Variants in ATP9B observed in about 807,000 individuals in gnomAD.
ATP9B encodes the protein ATPase phospholipid transporting 9B.
A neutral mutation model predicts 146.1 loss-of-function variants in ATP9B; 110 were observed. That is an observed-to-expected ratio of 0.75 (90% CI 0.65 to 0.88). ATP9B has a LOEUF of 0.88. Ranked by LOEUF, ATP9B falls within the 40% of genes least tolerant of loss-of-function variation. ATP9B has a pLI of 0.00. For synonymous variants in ATP9B, 604 were observed against 569.7 expected, an observed-to-expected ratio of 1.06 and a Z score of -0.86; for missense variants, 1,499 against 1,496.4, an observed-to-expected ratio of 1.00 and a Z score of -0.03.
chr18:79,143,406 G>T (rs984280756), intron 5 of ATP9B, among the ~76,000 whole-genome samples: 1 of 152,264 alleles, frequency 6.6e-6, no homozygotes, highest in Non-Finnish European at 1.5e-5. Flanking sequence ...GGTCAGTTAT[G>T]TGCTAATTAA....
chr18:79,299,052 T>G (rs1568612068), intron 13 of ATP9B, among the ~76,000 whole-genome samples: 1 of 152,208 alleles, frequency 6.6e-6, no homozygotes, highest in African/African-American at 2.4e-5. Flanking sequence ...ATTTGCCTCT[T>G]CCTTTCTGTC....
At chr18:79,249,067 C>T (rs1298309886) in intron 11 of ATP9B, among the ~76,000 whole-genome samples, 4 of 149,422 alleles carry the variant, frequency 2.7e-5, no homozygotes, top group Admixed American at 6.6e-5. Context: ...CTCACTCGTC[C>T]GAGCATTCAT....
At position 79,071,049 on chromosome 18, in the gene ATP9B, C is replaced by CTTTTT. The variant is rs746689031; in HGVS notation, c.119+1533_119+1537dup. ...CTGATTCTCATTCTGATTCCTGTTT[C>CTTTTT]TTTTTTTTTTTTTTTTTGCCACTTT... On this transcript the variant is annotated intron_variant, in intron 1 of 29. Transcript: ENST00000426216. 2.9e-4 allele frequency among the ~76,000 whole-genome samples: 33 copies of CTTTTT among 112,370 alleles called. 1 individual carries two copies. In the East Asian group the frequency reaches 3.0e-3, roughly 10 times the overall value. The allele number at this position is 112,370 out of a possible 152,430, so 73.7% of individuals were successfully genotyped here.
At chr18:79,351,397 G>A (rs769439141) in intron 25 of ATP9B, among the ~76,000 whole-genome samples, 2 of 152,184 alleles carry the variant, frequency 1.3e-5, no homozygotes, top group Non-Finnish European at 2.9e-5. Flanking sequence ...CAAAAGAAAC[G>A]TCTGTGACTT....
At chr18:79,112,327 G>A (rs551647761) in intron 3 of ATP9B, among the ~76,000 whole-genome samples, 4 of 152,216 alleles carry the variant, frequency 2.6e-5, no homozygotes, top group African/African-American at 7.2e-5. Context: ...ATCTGTAAAC[G>A]TAAGTTTTGT....
chr18:79,117,743 AGTT>A (rs905230190), intron 4 of ATP9B: 6 of 152,224 alleles, frequency 3.9e-5, no homozygotes, highest in South Asian at 2.1e-4. Context: ...GAATTTTGAA[AGTT>A]GTTGTTGAAG....
chr18:79,359,341 C>T lies in ATP9B; in HGVS notation c.2904-13C>T. On this transcript the variant is annotated splice_polypyrimidine_tract_variant and intron_variant, in intron 25 of 29. Transcript: ENST00000426216. Reference sequence around the variant, plus strand: ...TTTCTCACGCCCATTGCACTCCGCTCTTGGTCTTGCAGGTATGCCACCATA... The same window carrying T: ...TTTCTCACGCCCATTGCACTCCGCTTTTGGTCTTGCAGGTATGCCACCATA... 1 of 1,595,458 alleles carries T rather than the reference C, an allele frequency of 6.3e-7. No individual in the cohort carries two copies. The highest frequency in any genetic ancestry group is 8.6e-7 in the Non-Finnish European group (1 of 1,163,528).
intron 13 of ATP9B, among the ~76,000 whole-genome samples, chr18:79,302,662 G>T (rs2096598741): frequency 6.6e-6 from 1 of 152,136 alleles, no homozygotes; most frequent in Admixed American, 6.5e-5. Context: ...TCCTAAGGGA[G>T]GACTGTGGTA....
In ATP9B at chr18:79,367,500, G is replaced by A. The variant is rs563285873; in HGVS notation, c.3013-5325G>A. 2.4e-3 allele frequency among the ~76,000 whole-genome samples: 350 copies of A among 146,094 alleles called. 4 individuals carry two copies. Among genetic ancestry groups the A allele is most frequent in the Non-Finnish European group, 3.3e-3 (219 of 67,104 alleles). On this transcript the variant is annotated intron_variant, in intron 26 of 29. Transcript: ENST00000426216. ...ATATCTTCACCTGCACTGTGTGTAC[G>A]CAGAGAAAGTGCCTCCTCAACCAGA...
At chr18:79,172,441 G>C (rs8084984) in intron 7 of ATP9B, among the ~76,000 whole-genome samples, 4 of 69,802 alleles carry the variant, frequency 5.7e-5, no homozygotes, top group African/African-American at 3.8e-4. Context: ...GATTACAGGC[G>C]TAGCCACCGT....
intron 8 of ATP9B, among the ~76,000 whole-genome samples, chr18:79,184,103 A>G (rs532216083): frequency 2.0e-5 from 3 of 152,272 alleles, no homozygotes; most frequent in African/African-American, 4.8e-5. Context: ...TTATGCATTT[A>G]TAGGCTTTGT....
At chr18:79,275,947 G>A (rs576007452) in intron 12 of ATP9B, among the ~76,000 whole-genome samples, 4 of 152,310 alleles carry the variant, frequency 2.6e-5, no homozygotes, top group African/African-American at 9.6e-5. Context: ...CTTACATACA[G>A]ACTTCCTTCA....
chr18:79,118,390 G>GTTTTTTTTTTTT (rs752788043), intron 4 of ATP9B, among the ~76,000 whole-genome samples: 3 of 93,278 alleles, frequency 3.2e-5, no homozygotes, highest in African/African-American at 1.2e-4. Flanking sequence ...GAACGTTTTT[G>GTTTTTTTTTTTT]TTTTTTTTTT....
chr18:79,374,319 T>A (rs2097090707), intron 28 of ATP9B: 3 of 498,108 alleles, frequency 6.0e-6, no homozygotes, highest in Non-Finnish European at 1.1e-5. Flanking sequence ...CTGAGCCCCG[T>A]CGGTCACTGG....
chr18:79,182,674 G>T (rs1025078088), intron 8 of ATP9B, among the ~76,000 whole-genome samples: 4 of 152,166 alleles, frequency 2.6e-5, no homozygotes, highest in Non-Finnish European at 5.9e-5. Flanking sequence ...AACATGACTT[G>T]TAGAAGCCCT....
intron 15 of ATP9B, among the ~76,000 whole-genome samples, chr18:79,323,763 A>C (rs914336567): frequency 3.3e-5 from 5 of 152,132 alleles, no homozygotes; most frequent in Non-Finnish European, 5.9e-5. Flanking sequence ...GCCGCAGTAC[A>C]CGTAGGGGTG....
At chr18:79,287,914 T>C (rs2146033591) in intron 13 of ATP9B, among the ~76,000 whole-genome samples, 1 of 151,030 alleles carries the variant, frequency 6.6e-6, no homozygotes, top group East Asian at 1.9e-4. Flanking sequence ...AGTTTCCATG[T>C]AGTTGAGCGG....
rs758313413 is a variant in ATP9B at position 79,348,213 on chromosome 18, A to T, written c.2903+17A>T. The T allele has an allele frequency of 1.9e-6, 3 of 1,574,730 alleles. No homozygotes were observed. Among genetic ancestry groups the T allele is most frequent in the Non-Finnish European group, 2.6e-6 (3 of 1,147,300 alleles). ...CATGGTGGGGTAAGTTACACTCAGAACCTGCCAGCTCATCCAGGGGAGGAC... is the reference window on the plus strand; with the variant it reads ...CATGGTGGGGTAAGTTACACTCAGATCCTGCCAGCTCATCCAGGGGAGGAC... On this transcript the variant is annotated intron_variant, in intron 25 of 29. Transcript: ENST00000426216.
rs907723866 is a variant in ATP9B at position 79,336,809 on chromosome 18, G to A, written c.2112+98G>A. 1.3e-5 allele frequency: 17 copies of A among 1,296,360 alleles called. No individual in the cohort carries two copies. The Admixed American group carries it at 2.0e-4, about 15-fold the overall frequency. The allele number at this position is 1,296,360 out of a possible 1,614,324, so 80.3% of individuals were successfully genotyped here. A position where few individuals can be genotyped will look rare whatever the true frequency, so the allele number is the denominator to read the frequency against. ...TTTGTATGAAATTAGAGCTGGGATCGCTATAGTCTAGGAGTGAAGGCAGCT... is the reference window on the plus strand; with the variant it reads ...TTTGTATGAAATTAGAGCTGGGATCACTATAGTCTAGGAGTGAAGGCAGCT... On this transcript the variant is annotated intron_variant, in intron 18 of 29. Transcript: ENST00000426216.
Sources: gnomAD v4.1 joint callset for allele counts (sites outside exome capture counted in the v4.1 genomes callset) on GRCh38, gnomAD v4.1.1 for gene constraint, MANE v1.5 for transcripts, NCBI Gene and HGNC (gene_info 2026-07-23, HGNC 2026-07-21) for gene names.